Variants in MCF2L2 observed in about 807,000 individuals in gnomAD.
MCF2L2 encodes the protein MCF.2 cell line derived transforming sequence-like 2.
A neutral mutation model predicts 150.2 loss-of-function variants in MCF2L2; 102 were observed. The ratio of observed to expected loss-of-function variants is 0.68; its 90% CI spans 0.58 to 0.80. The LOEUF (loss-of-function observed/expected upper bound fraction) is 0.80. Ranked by LOEUF, MCF2L2 falls within the 30% of genes least tolerant of loss-of-function variation. The pLI, the probability that MCF2L2 is intolerant of heterozygous loss-of-function variation, is 0.00. For missense variants in MCF2L2, 1,256 were observed against 1,372.8 expected (o/e 0.91, Z 1.34); for synonymous variants, 465 against 491.3 (o/e 0.95, Z 0.71).
intron 25 of MCF2L2, among the ~76,000 whole-genome samples, chr3:183,199,602 A>G (rs970118527): frequency 6.6e-6 from 1 of 151,676 alleles, no homozygotes; most frequent in East Asian, 1.9e-4. Flanking sequence ...TATTTTCAGA[A>G]TATCGAAATT....
intron 21 of MCF2L2, among the ~76,000 whole-genome samples, chr3:183,218,588 T>C (rs1368586857): frequency 2.0e-5 from 3 of 152,130 alleles, no homozygotes; most frequent in Non-Finnish European, 4.4e-5. Context: ...GAGCCGAAAC[T>C]GCGCCATTGC....
chr3:183,417,762 G>A (rs892354432), intron 1 of MCF2L2, among the ~76,000 whole-genome samples: 12 of 151,338 alleles, frequency 7.9e-5, no homozygotes, highest in African/African-American at 2.7e-4. Flanking sequence ...AAAGGAAAGA[G>A]GTCAAATTGA....
Position 183,408,094 on chromosome 3 carries a change from G to A in MCF2L2, c.77-18315C>T, listed in dbSNP as rs191425512. Among the ~76,000 whole-genome samples, 213 of 149,430 alleles carry A rather than the reference G, an allele frequency of 1.4e-3. 1 individual carries two copies. The highest frequency in any genetic ancestry group is 2.5e-3 in the Non-Finnish European group (167 of 67,988). On this transcript the variant is annotated intron_variant, in intron 1 of 29. Coordinates refer to ENST00000328913, the MANE Select transcript of MCF2L2 (RefSeq NM_015078.4). ...GGTAAACATTTGCTCTCCCATCTTC[G>A]GAAAATTACCTTGTCCCCCCCAATC...
In MCF2L2 at chr3:183,338,807, T is replaced by G; in HGVS notation, c.479A>C (p.Lys160Thr). The G allele has an allele frequency of 6.3e-7, 1 of 1,598,388 alleles. No homozygotes were observed. The highest frequency in any genetic ancestry group is 8.6e-7 in the Non-Finnish European group (1 of 1,169,270). The stretch of plus-strand genomic sequence containing the variant: ...ATGAAAGGTCTTGCTTACCGGCACT[T>G]TCGTTTTAAACTCATTTCGATAGTA... ...IKYYRNEFKT[K>T]VPIIMVNSVS... The change falls in exon 5 of 30, where the codon AAA becomes ACA. Residue 160 changes from lysine to threonine, a missense_variant. Transcript: ENST00000328913.
At chr3:183,240,298 C>T (rs901801569) in intron 15 of MCF2L2, among the ~76,000 whole-genome samples, 3 of 152,200 alleles carry the variant, frequency 2.0e-5, no homozygotes, top group Non-Finnish European at 2.9e-5. Flanking sequence ...GGCATGATCT[C>T]GGCTCATTGC....
In MCF2L2 at chr3:183,262,759, G is replaced by A. The variant is rs553270203; in HGVS notation, c.1862+14113C>T. 2.2e-4 allele frequency among the ~76,000 whole-genome samples: 33 copies of A among 152,154 alleles called. 1 individual carries two copies. The South Asian group carries it at 6.6e-3, about 31-fold the overall frequency. On this transcript the variant is annotated intron_variant, in intron 15 of 29. Transcript: ENST00000328913. The stretch of plus-strand genomic sequence containing the variant: ...TGGGAGGGGGAGATTTAGCATGGCC[G>A]CTGAAGAGACTGGGAAAGGGAGAAG...
Position 183,188,327 on chromosome 3 carries a change from G to T in MCF2L2, c.3016+4672C>A, listed in dbSNP as rs529580460. On this transcript the variant is annotated intron_variant, in intron 27 of 29. Transcript: ENST00000328913. The stretch of plus-strand genomic sequence containing the variant: ...AGCATCTCCCTTGTTGAGACCCACT[G>T]AGGTTAAAGTTGGAGACATGGGGAG... Among the ~76,000 whole-genome samples the T allele has an allele frequency of 2.0e-5, 3 of 152,312 alleles. No individual in the cohort carries two copies. In the East Asian group the frequency reaches 5.8e-4, roughly 29 times the overall value.
At chr3:183,242,417 G>A (rs4257572) in intron 15 of MCF2L2, among the ~76,000 whole-genome samples, 34,769 of 152,186 alleles carry the variant, frequency 0.23, 4,365 homozygotes, top group South Asian at 0.34. Context: ...CCAGCCCGGG[G>A]ACCCCTGCTC....
intron 10 of MCF2L2, among the ~76,000 whole-genome samples, chr3:183,300,787 T>C (rs1055576730): frequency 5.3e-5 from 8 of 151,354 alleles, no homozygotes; most frequent in Non-Finnish European, 7.4e-5. Flanking sequence ...GAGGCCGAGG[T>C]GGGCGGATCA....
chr3:183,188,964 A>G (rs1721787788), intron 27 of MCF2L2, among the ~76,000 whole-genome samples: 1 of 148,570 alleles, frequency 6.7e-6, no homozygotes, highest in Non-Finnish European at 1.5e-5. Flanking sequence ...GTGAAACTCT[A>G]TCGCAAAAAA....
At chr3:183,293,841 T>C (rs763529612) in intron 13 of MCF2L2, among the ~76,000 whole-genome samples, 3 of 152,164 alleles carry the variant, frequency 2.0e-5, no homozygotes, top group Non-Finnish European at 2.9e-5. Flanking sequence ...CTTAATTATA[T>C]ATGGTAAATT....
rs554819913 is a variant in MCF2L2, at chr3:183,375,755, T to C, written c.275+3542A>G. ...CTATTCTAGTGTATCAATTCTTTTT[T>C]ATCCATCCACGAGCCCTCTGCCACC... is the stretch of plus-strand genomic sequence containing the variant. On this transcript the variant is annotated intron_variant, in intron 3 of 29. Coordinates refer to ENST00000328913, the MANE Select transcript of MCF2L2 (RefSeq NM_015078.4). The C allele has an allele frequency of 5.3e-5, 8 of 152,348 alleles. No homozygotes were observed. The East Asian group carries it at 1.2e-3, about 22-fold the overall frequency. The allele number at this position is 152,348 out of a possible 1,614,324, so 9.4% of individuals were successfully genotyped here.
intron 5 of MCF2L2, among the ~76,000 whole-genome samples, chr3:183,338,409 T>C (rs552820622): frequency 1.5e-4 from 22 of 147,684 alleles, no homozygotes; most frequent in African/African-American, 5.3e-4. Context: ...ATTGTGCCAT[T>C]GTACTCCAGC....
chr3:183,205,743 G>C (rs978361027), intron 25 of MCF2L2, 133 bp downstream of exon 25: 3 of 666,332 alleles, frequency 4.5e-6, no homozygotes, highest in Non-Finnish European at 8.1e-6. Context: ...GGTGCTTCCA[G>C]GGACTGTGAA....
chr3:183,360,157 G>A (rs1385907781), intron 3 of MCF2L2, among the ~76,000 whole-genome samples: 1 of 152,204 alleles, frequency 6.6e-6, no homozygotes, highest in Non-Finnish European at 1.5e-5. Flanking sequence ...TACAGCAGCT[G>A]CATTCACAAC....
intron 24 of MCF2L2, 83 bp downstream of exon 24, chr3:183,206,039 A>G: frequency 6.5e-7 from 1 of 1,548,982 alleles, no homozygotes; most frequent in Non-Finnish European, 8.9e-7. Context: ...CGTTAGACTA[A>G]TGAGATAGAA....
chr3:183,385,440 A>C (rs1372506813), intron 2 of MCF2L2, among the ~76,000 whole-genome samples: 1 of 152,092 alleles, frequency 6.6e-6, no homozygotes, highest in Non-Finnish European at 1.5e-5. Flanking sequence ...CCTACCCTCC[A>C]CCAAACCTGG....
chr3:183,299,383 A>G (rs1008597023), intron 11 of MCF2L2: 1 of 152,412 alleles, frequency 6.6e-6, no homozygotes, highest in Non-Finnish European at 1.5e-5. Context: ...TCTTCAGGGC[A>G]GTGCATAAGG....
chr3:183,243,846 AC>A (rs1724135686), intron 15 of MCF2L2, among the ~76,000 whole-genome samples: 8 of 152,176 alleles, frequency 5.3e-5, no homozygotes, highest in Admixed American at 5.2e-4. Context: ...AACTCCAGAA[AC>A]CCAAAAACCA....
Sources: gnomAD v4.1 joint callset for allele counts (sites outside exome capture counted in the v4.1 genomes callset) on GRCh38, gnomAD v4.1.1 for gene constraint, MANE v1.5 for transcripts, NCBI Gene and HGNC (gene_info 2026-07-23, HGNC 2026-07-21) for gene names.